The following CFAP20DC variants were observed in gnomAD, a reference collection of about 807,000 sequenced individuals.
The protein encoded by CFAP20DC is protein CFAP20DC.
In CFAP20DC, 84 loss-of-function variants were observed where a neutral mutation model predicts 101.7. The ratio of observed to expected loss-of-function variants is 0.83; its 90% CI spans 0.69 to 0.99. The LOEUF is 0.99. CFAP20DC is among the 50% of genes least tolerant of loss of function. The pLI is 0.00. For missense variants in CFAP20DC, 1,007 were observed against 970.3 expected, an observed-to-expected ratio of 1.04 and a Z score of -0.50; for synonymous variants, 359 against 351.2, an observed-to-expected ratio of 1.02 and a Z score of -0.25.
intron 4 of CFAP20DC, among the ~76,000 whole-genome samples, chr3:58,957,442 G>C (rs1576480474): frequency 6.6e-6 from 1 of 152,102 alleles, no homozygotes; most frequent in East Asian, 1.9e-4. Flanking sequence ...GAACAGTTTT[G>C]AGGTTCCTCA....
At chr3:58,862,814 T>C (rs1481575684) in intron 12 of CFAP20DC, 1 of 985,152 alleles carries the variant, frequency 1.0e-6, no homozygotes, top group Non-Finnish European at 1.2e-6. Flanking sequence ...CCAGAAAGTA[T>C]GAATGACCAT....
intron 4 of CFAP20DC, among the ~76,000 whole-genome samples, chr3:58,961,000 T>G (rs1018326798): frequency 2.0e-5 from 3 of 152,166 alleles, no homozygotes; most frequent in African/African-American, 7.2e-5. Context: ...TTATGGTGAT[T>G]ATGTGTTTCT....
intron 4 of CFAP20DC, chr3:58,970,218 A>G (rs1415213334): frequency 7.2e-5 from 11 of 152,140 alleles, no homozygotes; most frequent in Admixed American, 7.2e-4. Flanking sequence ...CCCCACAAAG[A>G]TATGTTCAAG....
At chr3:58,741,277 C>T (rs867509248), downstream of CFAP20DC, among the ~76,000 whole-genome samples, 36 of 152,134 alleles carry the variant, frequency 2.4e-4, no homozygotes, top group Middle Eastern at 0.01. Context: ...GCTGTCTACC[C>T]GAATGCAGAA....
intron 15 of CFAP20DC, among the ~76,000 whole-genome samples, chr3:58,781,799 A>G (rs2071855287): frequency 6.6e-6 from 1 of 152,028 alleles, no homozygotes; most frequent in East Asian, 1.9e-4. Context: ...TAAAAAGTCT[A>G]CCAATGAAGA....
intron 5 of CFAP20DC, among the ~76,000 whole-genome samples, chr3:58,932,214 G>A (rs1005525377): frequency 2.0e-5 from 3 of 152,142 alleles, no homozygotes; most frequent in African/African-American, 7.2e-5. Flanking sequence ...GAGTAGGGAA[G>A]TTTAGAGAAA....
chr3:59,039,693 A>G (rs1256913520), intron 3 of CFAP20DC, 64 bp from the exon 4 acceptor site: 2 of 961,782 alleles, frequency 2.1e-6, no homozygotes. Flanking sequence ...ATAAACAAAC[A>G]CAATCACAAA....
Position 58,971,640 on chromosome 3 carries a change from G to T in CFAP20DC, c.279-33878C>A, listed in dbSNP as rs2091953991. ...TAATAGCAAAACAGAGGGAAAACTT[G>T]GAGGTCCACCATAAGGATCTAGATA... On this transcript the variant is annotated intron_variant, in intron 4 of 16. Coordinates refer to ENST00000482387, the MANE Select transcript of CFAP20DC (RefSeq NM_001394063.1). The surrounding 1 kb of genome is among the most constrained non-coding windows in gnomAD (Gnocchi z 4.1). Among the ~76,000 whole-genome samples, 1 of 152,088 alleles carries T rather than the reference G, an allele frequency of 6.6e-6. No homozygotes were observed. The highest frequency in any genetic ancestry group is 2.4e-5 in the African/African-American group (1 of 41,394).
At chr3:58,908,782 CTG>C (rs1375722752) in intron 6 of CFAP20DC, among the ~76,000 whole-genome samples, 1 of 152,130 alleles carries the variant, frequency 6.6e-6, no homozygotes, top group Non-Finnish European at 1.5e-5. Flanking sequence ...GATGAATAAA[CTG>C]TGGTACATGT....
intron 14 of CFAP20DC, among the ~76,000 whole-genome samples, chr3:58,811,504 G>A (rs2074629579): frequency 6.6e-6 from 1 of 152,164 alleles, no homozygotes; most frequent in African/African-American, 2.4e-5. Flanking sequence ...CTAGCCATAT[G>A]TAGAAAGTTG....
chr3:58,828,346 C>T (rs879504786), intron 14 of CFAP20DC, among the ~76,000 whole-genome samples: 6 of 152,112 alleles, frequency 3.9e-5, no homozygotes, highest in East Asian at 1.9e-4. Flanking sequence ...GGATCTCAAC[C>T]GTGGAAATTT....
intron 6 of CFAP20DC, among the ~76,000 whole-genome samples, chr3:58,911,418 T>A (rs759187057): frequency 7.9e-5 from 12 of 152,040 alleles, no homozygotes; most frequent in Non-Finnish European, 7.4e-5. Context: ...CTGTTAGAAG[T>A]CAGTATAGAG....
intron 14 of CFAP20DC, among the ~76,000 whole-genome samples, chr3:58,821,375 A>G (rs1489071884): frequency 1.3e-5 from 2 of 152,186 alleles, no homozygotes; most frequent in South Asian, 2.1e-4. Flanking sequence ...AAATGGGAGA[A>G]AATTTTTGCA....
At chr3:58,940,697 G>A (rs1191517220) in intron 4 of CFAP20DC, among the ~76,000 whole-genome samples, 1 of 152,146 alleles carries the variant, frequency 6.6e-6, no homozygotes, top group Non-Finnish European at 1.5e-5. Flanking sequence ...TAGATTTAGA[G>A]TAAGTCTTGA....
At chr3:58,807,970 G>A (rs956882454) in intron 14 of CFAP20DC, among the ~76,000 whole-genome samples, 1 of 152,204 alleles carries the variant, frequency 6.6e-6, no homozygotes, top group African/African-American at 2.4e-5. Context: ...ATCAGTGATG[G>A]AAGATGAAAT....
chr3:58,749,347 GC>G (rs1389375833), intron 16 of CFAP20DC, among the ~76,000 whole-genome samples: 1 of 152,276 alleles, frequency 6.6e-6, no homozygotes, highest in African/African-American at 2.4e-5. Context: ...AGAGCAGGCA[GC>G]CAGATCCTAA....
In CFAP20DC at chr3:58,950,057, G is replaced by A. The variant is rs1024040100; in HGVS notation, c.279-12295C>T. On this transcript the variant is annotated intron_variant, in intron 4 of 16. Transcript: ENST00000482387. ...AGCCCAAAATCTCCTTAAGCTGATA[G>A]GCAACTTCAGCAAAGTCTCAGGATA... Among the ~76,000 whole-genome samples, 259 of 152,146 alleles carry A rather than the reference G, an allele frequency of 1.7e-3. 1 individual carries two copies. Among genetic ancestry groups the A allele is most frequent in the South Asian group, 5.2e-3 (25 of 4,816 alleles).
At chr3:58,911,895 C>T (rs983282372) in intron 6 of CFAP20DC, among the ~76,000 whole-genome samples, 1 of 152,032 alleles carries the variant, frequency 6.6e-6, no homozygotes, top group Non-Finnish European at 1.5e-5. Context: ...AGAATTTTGG[C>T]CAATCTCCCT....
In CFAP20DC at chr3:58,874,334, T is replaced by C. The variant is rs1372984121; in HGVS notation, c.716-4025A>G. Reference sequence around the variant, plus strand: ...GACAAAGCCTTACTGTGTGACTTACTGTGTCCACGCTGGTGCCCCATGCCA... The same window carrying C: ...GACAAAGCCTTACTGTGTGACTTACCGTGTCCACGCTGGTGCCCCATGCCA... On this transcript the variant is annotated intron_variant, in intron 7 of 16. Transcript: ENST00000482387. The surrounding 1 kb of genome is among the most constrained non-coding windows in gnomAD (Gnocchi z 5.1). Among the ~76,000 whole-genome samples the C allele has an allele frequency of 6.6e-6, 1 of 152,216 alleles. No homozygotes were observed. The highest frequency in any genetic ancestry group is 1.5e-5 in the Non-Finnish European group (1 of 68,036).
Sources: gnomAD v4.1 joint callset for allele counts (sites outside exome capture counted in the v4.1 genomes callset) on GRCh38, gnomAD v4.1.1 for gene constraint, Gnocchi (gnomAD v3.1) non-coding constraint, MANE v1.5 for transcripts, NCBI Gene and HGNC (gene_info 2026-07-23, HGNC 2026-07-21) for gene names.